The following ECHDC1 variants were observed in gnomAD, a reference collection of about 807,000 sequenced individuals.
ECHDC1 encodes the protein ethylmalonyl-CoA decarboxylase.
A neutral mutation model predicts 29.7 loss-of-function variants in ECHDC1; 29 were observed. That is an observed-to-expected ratio of 0.98 (90% CI 0.73 to 1.33). The LOEUF (loss-of-function observed/expected upper bound fraction) is 1.33, where lower values mean the gene tolerates loss of function less well. Ranked by LOEUF, ECHDC1 falls within the 40% of genes most tolerant of loss-of-function variation. ECHDC1 has a pLI of 0.00. For synonymous variants in ECHDC1, 126 were observed against 123.1 expected (o/e 1.02, Z -0.15); for missense variants, 328 against 350.0 (o/e 0.94, Z 0.50).
rs771909833 is a variant in ECHDC1, at chr6:127,316,491, G to A, written c.375C>T (p.Ala125=). Residue 125 remains alanine, a synonymous_variant, in exon 4 of 6, where the codon GCC becomes GCT. Transcript: ENST00000454859. ...KSLGTPEDGM[A]VCMFMQNTLT... is the part of the protein sequence containing the mutation. ...AGGTGTTTTGCATGAACATGCATAC[G>A]GCCATTCCATCCTTTAAATAAAAAT... 2.2e-5 allele frequency: 35 copies of A among 1,601,470 alleles called. No homozygotes were observed. Among genetic ancestry groups the A allele is most frequent in the Non-Finnish European group, 2.6e-5 (30 of 1,174,618 alleles).
chr6:127,337,888 T>C (rs541307299), intron 1 of ECHDC1, among the ~76,000 whole-genome samples: 1 of 152,200 alleles, frequency 6.6e-6, no homozygotes, highest in Non-Finnish European at 1.5e-5. Flanking sequence ...TACCAAAATA[T>C]ATCATTCAAA....
intron 5 of ECHDC1, among the ~76,000 whole-genome samples, chr6:127,293,335 G>A (rs1223056038): frequency 1.3e-5 from 2 of 152,122 alleles, no homozygotes; most frequent in Non-Finnish European, 2.9e-5. Context: ...AGTAAATTCT[G>A]TGATGAAGGA....
At position 127,305,873 on chromosome 6, in the gene ECHDC1, G is replaced by A. The variant is rs539445559; in HGVS notation, c.497+8943C>T. ...CTGAGAACATCATCATCACAAAAAG[G>A]AAGAAGAAAAGAAAGAGAAGACCAC... is the stretch of plus-strand genomic sequence containing the variant. On this transcript the variant is annotated intron_variant, in intron 5 of 5. Transcript: ENST00000454859. 9.9e-5 allele frequency among the ~76,000 whole-genome samples: 15 copies of A among 151,784 alleles called. No individual in the cohort carries two copies. The South Asian group carries it at 1.9e-3, about 19-fold the overall frequency.
At chr6:127,292,377 T>C (rs1780266475) in intron 5 of ECHDC1, among the ~76,000 whole-genome samples, 1 of 152,036 alleles carries the variant, frequency 6.6e-6, no homozygotes, top group Non-Finnish European at 1.5e-5. Context: ...TTTTATAAGG[T>C]AAAGTGTGTC....
intron 5 of ECHDC1, among the ~76,000 whole-genome samples, chr6:127,291,515 G>T (rs1422583019): frequency 6.6e-6 from 1 of 152,042 alleles, no homozygotes; most frequent in Non-Finnish European, 1.5e-5. Flanking sequence ...TGATTAATAA[G>T]AAAGTATAAC....
chr6:127,332,354 G>A (rs554151681), intron 1 of ECHDC1, among the ~76,000 whole-genome samples: 5 of 152,108 alleles, frequency 3.3e-5, no homozygotes, highest in Non-Finnish European at 7.3e-5. Flanking sequence ...AAATATCTGA[G>A]ACAGGTCTCA....
At chr6:127,324,926 G>A (rs1215639595) in intron 3 of ECHDC1, among the ~76,000 whole-genome samples, 1 of 152,222 alleles carries the variant, frequency 6.6e-6, no homozygotes, top group African/African-American at 2.4e-5. Flanking sequence ...GGACTTATAT[G>A]TCCCCCTTCC....
chr6:127,312,578 T>C (rs987901364), intron 5 of ECHDC1, among the ~76,000 whole-genome samples: 1 of 152,176 alleles, frequency 6.6e-6, no homozygotes, highest in African/African-American at 2.4e-5. Context: ...ATTCCACTCT[T>C]AGATTTTCAC....
At chr6:127,293,611 AGAGT>A (rs1451530672) in intron 5 of ECHDC1, among the ~76,000 whole-genome samples, 6 of 152,336 alleles carry the variant, frequency 3.9e-5, no homozygotes, top group East Asian at 1.9e-4. Context: ...TTTTATAGAT[AGAGT>A]GTGTCTGTAT....
At chr6:127,294,592 T>G (rs546367669) in intron 5 of ECHDC1, 14 of 152,218 alleles carry the variant, frequency 9.2e-5, no homozygotes, top group African/African-American at 3.4e-4. Flanking sequence ...AGGTATATAG[T>G]CGAATGTGTG....
intron 5 of ECHDC1, among the ~76,000 whole-genome samples, chr6:127,297,137 G>C (rs1780672287): frequency 6.6e-6 from 1 of 152,172 alleles, no homozygotes; most frequent in Non-Finnish European, 1.5e-5. Context: ...AAGTGAAACA[G>C]ACTAGAGGGA....
At chr6:127,333,028 A>G (rs989450883) in intron 1 of ECHDC1, among the ~76,000 whole-genome samples, 1 of 152,182 alleles carries the variant, frequency 6.6e-6, no homozygotes, top group Non-Finnish European at 1.5e-5. Flanking sequence ...CCTGGCCTCA[A>G]GTGATCCACC....
rs201025879 is a variant in ECHDC1, at chr6:127,290,023, G to A, written c.752C>T (p.Pro251Leu). The change falls in exon 6 of 6, where the codon CCG (proline) becomes CTG (leucine). Residue 251 changes from proline to leucine, a missense_variant. Physicochemically the swap from Pro to Leu is moderately conservative, Grantham distance 98 (BLOSUM62 -3). Coordinates refer to ENST00000454859, the MANE Select transcript of ECHDC1 (RefSeq NM_001002030.2). ...TTTTTTCAAAGCTCTAATTACTTCC[G>A]GTGGCCCTTGGATGAATTGCTTTAG... is the stretch of plus-strand genomic sequence containing the variant. ...EWLKQFIQGPPEVIRALKKSV... is the reference protein window; with the variant it reads ...EWLKQFIQGPLEVIRALKKSV... The A allele has an allele frequency of 1.4e-5, 22 of 1,613,438 alleles. No individual in the cohort carries two copies. The highest frequency in any genetic ancestry group is 3.3e-4 in the Middle Eastern group (2 of 6,084).
chr6:127,313,496 C>A, intron 5 of ECHDC1: 1 of 437,170 alleles, frequency 2.3e-6, no homozygotes, highest in Non-Finnish European at 4.6e-6. Context: ...AGCCACCACG[C>A]CAGGCTTAAA....
intron 5 of ECHDC1, among the ~76,000 whole-genome samples, chr6:127,293,993 G>A (rs1163386081): frequency 6.6e-6 from 1 of 152,126 alleles, no homozygotes; most frequent in African/African-American, 2.4e-5. Context: ...AATAAAGTTA[G>A]AAATAATACT....
rs535644970 is a variant in ECHDC1 at position 127,296,917 on chromosome 6, A to C, written c.498-6640T>G. Among the ~76,000 whole-genome samples, 3 of 152,210 alleles carry C rather than the reference A, an allele frequency of 2.0e-5. No homozygotes were observed. In the South Asian group the frequency reaches 6.2e-4, roughly 32 times the overall value. On this transcript the variant is annotated intron_variant, in intron 5 of 5. Transcript: ENST00000454859. ...TTACTCCGGAGGCTGAGGTGGGAGGATGACTTGAGTCCTAGAGGCGGAAGT... is the reference window on the plus strand; with the variant it reads ...TTACTCCGGAGGCTGAGGTGGGAGGCTGACTTGAGTCCTAGAGGCGGAAGT...
intron 1 of ECHDC1, 24 bp from the exon 2 acceptor site, chr6:127,331,054 G>A (rs373335171): frequency 6.4e-5 from 102 of 1,581,946 alleles, no homozygotes; most frequent in African/African-American, 1.6e-4. Context: ...ATAAGTATGC[G>A]GTAGTATAGA....
chr6:127,306,963 ATAAT>A (rs1483731957), intron 5 of ECHDC1, among the ~76,000 whole-genome samples: 7 of 152,354 alleles, frequency 4.6e-5, no homozygotes, highest in Non-Finnish European at 2.9e-5. Context: ...AAAAATTAAA[ATAAT>A]AAACATCTTC....
At chr6:127,323,347 A>C (rs965467027) in intron 3 of ECHDC1, among the ~76,000 whole-genome samples, 2 of 152,166 alleles carry the variant, frequency 1.3e-5, no homozygotes, top group African/African-American at 4.8e-5. Flanking sequence ...TCAAATTTCC[A>C]GCTTAGTGCT....
Sources: allele counts gnomAD v4.1 joint callset (sites outside exome capture counted in the v4.1 genomes callset), GRCh38; gene constraint gnomAD v4.1.1; transcripts MANE v1.5; gene names NCBI Gene and HGNC (gene_info 2026-07-23, HGNC 2026-07-21).